Variants in COL22A1 observed in about 807,000 individuals in gnomAD.
COL22A1 encodes the protein collagen type XXII alpha 1 chain.
In COL22A1, 221 loss-of-function variants were observed where a neutral mutation model predicts 248.9. The ratio of observed to expected loss-of-function variants is 0.89; its 90% confidence interval spans 0.80 to 0.99. The LOEUF is 0.99. COL22A1 is among the 50% of genes least tolerant of loss of function. The pLI is 0.00. For missense variants in COL22A1, 2,240 were observed against 2,179.0 expected (o/e 1.03, Z -0.56); for synonymous variants, 891 against 793.4 (o/e 1.12, Z -2.07).
intron 20 of COL22A1, 63 bp downstream of exon 20, chr8:138,755,419 G>A: frequency 6.5e-7 from 1 of 1,538,052 alleles, no homozygotes; most frequent in Admixed American, 1.7e-5. Context: ...GATCATGGTT[G>A]TGGCTTTTCT....
intron 16 of COL22A1, among the ~76,000 whole-genome samples, chr8:138,764,857 G>T (rs1833789478): frequency 6.6e-6 from 1 of 152,186 alleles, no homozygotes; most frequent in Admixed American, 6.5e-5. Context: ...TGCTACTCAG[G>T]AGGCAGGAGA....
intron 52 of COL22A1, among the ~76,000 whole-genome samples, chr8:138,623,066 C>T (rs139323140): frequency 1.3e-3 from 195 of 151,890 alleles, no homozygotes; most frequent in Admixed American, 2.9e-3. Flanking sequence ...AGATACGGGT[C>T]TCTGTAAATC....
intron 3 of COL22A1, 43 bp downstream of exon 3, chr8:138,877,706 GC>G (rs1314285932): frequency 4.0e-6 from 6 of 1,513,728 alleles, no homozygotes; most frequent in African/African-American, 1.4e-5. Flanking sequence ...TCAGCAGGGG[GC>G]GTCACTCTTG....
chr8:138,744,771 T>C (rs1831972473), intron 22 of COL22A1, among the ~76,000 whole-genome samples: 1 of 152,260 alleles, frequency 6.6e-6, no homozygotes, highest in African/African-American at 2.4e-5. Context: ...ATCAATGTTA[T>C]TTCCTTTCTC....
intron 49 of COL22A1, among the ~76,000 whole-genome samples, chr8:138,634,775 C>T (rs532112614): frequency 1.3e-5 from 2 of 152,256 alleles, no homozygotes; most frequent in African/African-American, 2.4e-5. Context: ...TGCCAATGTC[C>T]CCCAGTCCCA....
chr8:138,880,374 A>G (rs978059579), intron 2 of COL22A1, among the ~76,000 whole-genome samples: 4 of 152,266 alleles, frequency 2.6e-5, no homozygotes, highest in Admixed American at 2.0e-4. Flanking sequence ...GTATGTATGT[A>G]TGCATGACAG....
intron 41 of COL22A1, 61 bp from the exon 42 acceptor site, chr8:138,663,801 T>G: frequency 7.7e-7 from 1 of 1,299,354 alleles, no homozygotes; most frequent in South Asian, 1.2e-5. Flanking sequence ...GTAAACAAGC[T>G]ATGGTGTTTA....
At chr8:138,737,952 A>T (rs1172755796) in intron 22 of COL22A1, among the ~76,000 whole-genome samples, 1 of 152,018 alleles carries the variant, frequency 6.6e-6, no homozygotes, top group Admixed American at 6.6e-5. Flanking sequence ...TCCCAGAGAG[A>T]TTTTATGCAT....
At chr8:138,814,079 C>T (rs564257213) in intron 7 of COL22A1, among the ~76,000 whole-genome samples, 40 of 152,364 alleles carry the variant, frequency 2.6e-4, no homozygotes, top group African/African-American at 1.2e-4. Context: ...ACAGACAAAG[C>T]CCAGGCCCTT....
At chr8:138,609,187 C>T (rs1439939130) in intron 56 of COL22A1, among the ~76,000 whole-genome samples, 1 of 152,232 alleles carries the variant, frequency 6.6e-6, no homozygotes, top group Non-Finnish European at 1.5e-5. Flanking sequence ...TCATTGCTCA[C>T]ATCAGACACA....
chr8:138,710,606 T>TATATATATATATAG lies in COL22A1; in HGVS notation c.2517+5075_2517+5076insCTATATATATATAT, dbSNP rs150247137. Among the ~76,000 whole-genome samples the TATATATATATATAG allele has an allele frequency of 6.9e-3, 1,025 of 147,824 alleles. 13 individuals carry two copies. Among genetic ancestry groups the TATATATATATATAG allele is most frequent in the African/African-American group, 0.024 (977 of 39,884 alleles). On this transcript the variant is annotated intron_variant, in intron 30 of 64. Coordinates refer to ENST00000303045, the MANE Select transcript of COL22A1 (RefSeq NM_152888.3). ...TGCCCATAATCTATCTATCTATCTA[T>TATATATATATATAG]CTATATATATATATCTCCATTTCAC...
At chr8:138,869,709 C>T (rs79543250) in intron 3 of COL22A1, among the ~76,000 whole-genome samples, 2 of 152,184 alleles carry the variant, frequency 1.3e-5, no homozygotes, top group Admixed American at 6.5e-5. Flanking sequence ...TATTTGGTGA[C>T]CTCAGTCCTA....
At chr8:138,614,889 G>C (rs1352379079) in intron 55 of COL22A1, among the ~76,000 whole-genome samples, 1 of 152,190 alleles carries the variant, frequency 6.6e-6, no homozygotes, top group African/African-American at 2.4e-5. Flanking sequence ...AGCCACAGGG[G>C]CCACGTGCTC....
rs1260741476 is a variant in COL22A1, at chr8:138,762,461, C to T, written c.1809G>A (p.Glu603=). The T allele has an allele frequency of 1.9e-6, 3 of 1,614,150 alleles. No homozygotes were observed. Among genetic ancestry groups the T allele is most frequent in the Middle Eastern group, 1.6e-4 (1 of 6,062 alleles). ...TCCCAGGGAATCCATCCAGGCCTCGCTCTCCCTGGCAAAAGAAGGCAAATG... is the reference window on the plus strand; with the variant it reads ...TCCCAGGGAATCCATCCAGGCCTCGTTCTCCCTGGCAAAAGAAGGCAAATG... The part of the protein sequence containing the change: ...GEKGTRGEKG[E]RGLDGFPGKP... The change falls in exon 17 of 65, where the codon GAG becomes GAA. Residue 603 remains glutamate (E), a synonymous_variant. Coordinates refer to ENST00000303045, the MANE Select transcript of COL22A1 (RefSeq NM_152888.3).
chr8:138,776,528 C>CT (rs1814477345), intron 15 of COL22A1, among the ~76,000 whole-genome samples: 2 of 152,166 alleles, frequency 1.3e-5, no homozygotes, highest in Admixed American at 1.3e-4. Flanking sequence ...AGACCTTGTG[C>CT]TGTGGACTCC....
At chr8:138,710,743 GGCATTGCTCTGACTAAAGTTCCA>G (rs1828896207) in intron 30 of COL22A1, among the ~76,000 whole-genome samples, 1 of 152,030 alleles carries the variant, frequency 6.6e-6, no homozygotes, top group Non-Finnish European at 1.5e-5. Flanking sequence ...ACAATTGTGT[GGCATTGCTCTGACTAAAGTTCCA>G]GTAGCTTCAG....
At chr8:138,749,364 C>A (rs973950021) in intron 22 of COL22A1, among the ~76,000 whole-genome samples, 2 of 152,184 alleles carry the variant, frequency 1.3e-5, no homozygotes, top group Non-Finnish European at 1.5e-5. Context: ...ATTTTAAAAA[C>A]CTTCACAGTC....
intron 4 of COL22A1, among the ~76,000 whole-genome samples, chr8:138,833,610 T>G (rs11780454): frequency 0.55 from 83,223 of 152,138 alleles, 23,380 homozygotes; most frequent in East Asian, 0.67. Context: ...CAGCTTTTAA[T>G]TTTCCTGATT....
intron 47 of COL22A1, among the ~76,000 whole-genome samples, chr8:138,643,647 T>TAGATAGATAGACAGACAGAC (rs568597361): frequency 3.3e-3 from 89 of 26,618 alleles, no homozygotes; most frequent in African/African-American, 4.8e-3. Context: ...GATAGATAGA[T>TAGATAGATAGACAGACAGAC]AGACAGATAG....
Sources: gnomAD v4.1 joint callset for allele counts (sites outside exome capture counted in the v4.1 genomes callset) on GRCh38, gnomAD v4.1.1 for gene constraint, MANE v1.5 for transcripts, NCBI Gene and HGNC (gene_info 2026-07-23, HGNC 2026-07-21) for gene names.